Variants in GULP1 observed in about 807,000 individuals in gnomAD.
GULP1 encodes GULP PTB domain containing engulfment adaptor 1, also known as PTB domain-containing engulfment adapter protein 1.
In GULP1, 19 loss-of-function variants were observed where a neutral mutation model predicts 40.9. That is an observed-to-expected ratio of 0.46 (90% CI 0.32 to 0.68). The LOEUF (loss-of-function observed/expected upper bound fraction) is 0.68, where lower values mean the gene tolerates loss of function less well. GULP1 is among the 30% of genes least tolerant of loss of function. The probability of loss-of-function intolerance (pLI) is 0.03; values close to 1 mark genes in which losing one functional copy is unlikely to be tolerated. For missense variants in GULP1, 312 were observed against 362.2 expected, an observed-to-expected ratio of 0.86 and a Z score of 1.12; for synonymous variants, 119 against 117.6, an observed-to-expected ratio of 1.01 and a Z score of -0.08.
At chr2:188,434,532 T>G (rs569736181) in intron 2 of GULP1, among the ~76,000 whole-genome samples, 44 of 151,726 alleles carry the variant, frequency 2.9e-4, no homozygotes, top group African/African-American at 1.0e-3. Flanking sequence ...TATGTTGGAT[T>G]TTTTTTTCTG....
At chr2:188,552,021 CA>C (rs1240933510) in intron 7 of GULP1, among the ~76,000 whole-genome samples, 5 of 150,756 alleles carry the variant, frequency 3.3e-5, no homozygotes, top group Admixed American at 6.6e-5. Context: ...TAAATGGGAA[CA>C]TTTTTTTTTT....
At chr2:188,341,080 A>G (rs1275765580) in intron 1 of GULP1, among the ~76,000 whole-genome samples, 1 of 152,086 alleles carries the variant, frequency 6.6e-6, no homozygotes, top group African/African-American at 2.4e-5. Flanking sequence ...ACAGGAATGC[A>G]TGTTCTCACT....
chr2:188,577,620 C>G (rs1700409341), intron 9 of GULP1, among the ~76,000 whole-genome samples: 1 of 142,452 alleles, frequency 7.0e-6, no homozygotes, highest in Non-Finnish European at 1.6e-5. Context: ...TTAGCCTCTC[C>G]TTCTTTCAGT....
intron 9 of GULP1, among the ~76,000 whole-genome samples, chr2:188,579,438 A>G (rs981589871): frequency 4.6e-5 from 7 of 152,122 alleles, no homozygotes; most frequent in Admixed American, 4.6e-4. Flanking sequence ...GTTTGTGGGT[A>G]GAGATGATAT....
chr2:188,348,676 C>T (rs1278115848), intron 1 of GULP1, among the ~76,000 whole-genome samples: 3 of 152,110 alleles, frequency 2.0e-5, no homozygotes, highest in Non-Finnish European at 4.4e-5. Flanking sequence ...ATTATCATTT[C>T]ATAAGAGTTT....
At chr2:188,334,837 A>G (rs2042057175) in intron 1 of GULP1, among the ~76,000 whole-genome samples, 1 of 152,170 alleles carries the variant, frequency 6.6e-6, no homozygotes, top group Non-Finnish European at 1.5e-5. Flanking sequence ...TCCTCCAGAA[A>G]CTCTGTCTAG....
intron 1 of GULP1, among the ~76,000 whole-genome samples, chr2:188,336,509 C>T (rs2042272062): frequency 6.6e-6 from 1 of 151,712 alleles, no homozygotes; most frequent in Non-Finnish European, 1.5e-5. Context: ...TATGGCATAT[C>T]AGGCTGAAAA....
At chr2:188,394,874 G>A (rs1449197553) in intron 2 of GULP1, among the ~76,000 whole-genome samples, 3 of 152,170 alleles carry the variant, frequency 2.0e-5, no homozygotes, top group Non-Finnish European at 2.9e-5. Flanking sequence ...TGTGCTTGAT[G>A]TGTGAAGAAG....
At chr2:188,547,686 A>G (rs998389936) in intron 7 of GULP1, among the ~76,000 whole-genome samples, 3 of 152,076 alleles carry the variant, frequency 2.0e-5, no homozygotes, top group African/African-American at 7.2e-5. Context: ...CTTTGGCAAC[A>G]CCCTCACAGA....
In GULP1 at chr2:188,495,340, A is replaced by G. The variant is rs183858182; in HGVS notation, c.90+11848A>G. Among the ~76,000 whole-genome samples the G allele has an allele frequency of 1.1e-3, 169 of 152,070 alleles. 1 individual carries two copies. Among genetic ancestry groups the G allele is most frequent in the African/African-American group, 3.9e-3 (163 of 41,518 alleles). ...TCCCAGGCCCCAACCCCATCACCCTACTTTACCAGTTCCACTCTAATTTAA... is the reference window on the plus strand; with the variant it reads ...TCCCAGGCCCCAACCCCATCACCCTGCTTTACCAGTTCCACTCTAATTTAA... On this transcript the variant is annotated intron_variant, in intron 4 of 11. Transcript: ENST00000409830.
intron 4 of GULP1, among the ~76,000 whole-genome samples, chr2:188,497,964 C>T (rs2063063724): frequency 6.6e-6 from 1 of 151,870 alleles, no homozygotes; most frequent in Non-Finnish European, 1.5e-5. Context: ...TTTGTTCTTA[C>T]CCTGGCCAAG....
chr2:188,298,872 T>C (rs2035558037), intron 1 of GULP1, among the ~76,000 whole-genome samples: 1 of 152,188 alleles, frequency 6.6e-6, no homozygotes, highest in Non-Finnish European at 1.5e-5. Flanking sequence ...AATATAGCAC[T>C]CAGGCAAAAG....
chr2:188,489,472 A>G (rs2062158963), intron 4 of GULP1, among the ~76,000 whole-genome samples: 1 of 152,062 alleles, frequency 6.6e-6, no homozygotes, highest in Non-Finnish European at 1.5e-5. Context: ...TTGGTGTTAC[A>G]TGACCTTTAA....
chr2:188,510,374 T>C (rs900562504), intron 4 of GULP1, among the ~76,000 whole-genome samples: 1 of 152,076 alleles, frequency 6.6e-6, no homozygotes, highest in African/African-American at 2.4e-5. Flanking sequence ...AATTAAATAA[T>C]TAGTAACCAT....
At chr2:188,578,867 C>T (rs1389773068) in intron 9 of GULP1, among the ~76,000 whole-genome samples, 1 of 152,064 alleles carries the variant, frequency 6.6e-6, no homozygotes, top group Non-Finnish European at 1.5e-5. Flanking sequence ...TTCTTCTCAA[C>T]AATGTATTTA....
chr2:188,310,933 T>A (rs1348651457), intron 1 of GULP1, among the ~76,000 whole-genome samples: 3 of 152,182 alleles, frequency 2.0e-5, no homozygotes, highest in Non-Finnish European at 2.9e-5. Flanking sequence ...AGGACTTAAC[T>A]GTGTTAAAGA....
chr2:188,579,812 GAC>G (rs1054622107), intron 9 of GULP1, among the ~76,000 whole-genome samples: 60 of 152,214 alleles, frequency 3.9e-4, no homozygotes, highest in African/African-American at 1.4e-3. Context: ...GAATACTGCA[GAC>G]ACCATGATAA....
intron 10 of GULP1, among the ~76,000 whole-genome samples, chr2:188,586,726 G>A (rs1313920081): frequency 3.9e-5 from 6 of 151,918 alleles, no homozygotes; most frequent in South Asian, 4.1e-4. Context: ...GAGCTTGTAA[G>A]AATTTCACAT....
At chr2:188,578,968 T>G (rs1206660788) in intron 9 of GULP1, among the ~76,000 whole-genome samples, 5 of 152,142 alleles carry the variant, frequency 3.3e-5, no homozygotes, top group Non-Finnish European at 7.4e-5. Context: ...AGTGCGAAAT[T>G]GTCACTGTTT....
Sources: gnomAD v4.1 joint callset for allele counts (sites outside exome capture counted in the v4.1 genomes callset) on GRCh38, gnomAD v4.1.1 for gene constraint, MANE v1.5 for transcripts, NCBI Gene and HGNC (gene_info 2026-07-23, HGNC 2026-07-21) for gene names.